Variants in RBL1 observed in about 807,000 individuals in gnomAD.
RBL1 encodes the protein retinoblastoma-like protein 1.
In RBL1, 82 loss-of-function variants were observed where a neutral mutation model predicts 123.0. The observed-to-expected ratio is 0.67, with a 90% CI of 0.56 to 0.80. The LOEUF (loss-of-function observed/expected upper bound fraction) is 0.80, where lower values mean the gene tolerates loss of function less well. Among genes scored for constraint, RBL1 ranks in the 30% least tolerant of loss-of-function variants. RBL1 has a pLI of 0.00. For missense variants in RBL1, 1,171 were observed against 1,299.6 expected (o/e 0.90, Z 1.52); for synonymous variants, 405 against 441.3 (o/e 0.92, Z 1.03).
rs139703809 is a variant in RBL1 at position 37,049,366 on chromosome 20, C to G, written c.1468-2176G>C. On this transcript the variant is annotated intron_variant, in intron 11 of 21. Coordinates refer to ENST00000373664, the MANE Select transcript of RBL1 (RefSeq NM_002895.5). ...ATCCAGGATAAGGAAGGAATTCCTC[C>G]TGATCGGCAAAGACTAATATTTGCT... 3.5e-4 allele frequency: 251 copies of G among 708,754 alleles called. 4 individuals are homozygous for G. In the East Asian group the frequency reaches 5.3e-3, roughly 15 times the overall value. The allele number at this position is 708,754 out of a possible 1,614,324, so 43.9% of individuals were successfully genotyped here.
chr20:37,027,183 C>CA (rs530944998), intron 16 of RBL1, among the ~76,000 whole-genome samples: 18,253 of 141,326 alleles, frequency 0.13, 1,152 homozygotes, highest in African/African-American at 0.16. Flanking sequence ...CCATTTCTAC[C>CA]AAAAAAAAAA....
chr20:37,063,660 C>T (rs1027730343), intron 7 of RBL1, among the ~76,000 whole-genome samples: 19 of 151,688 alleles, frequency 1.3e-4, no homozygotes, highest in Non-Finnish European at 1.9e-4. Flanking sequence ...TATAGGTGCA[C>T]GCCATCACAC....
In RBL1 at chr20:37,020,649, T is replaced by TA; in HGVS notation, c.2631+9_2631+10insT. The TA allele has an allele frequency of 6.5e-7, 1 of 1,541,932 alleles. No homozygotes were observed. Among genetic ancestry groups the TA allele is most frequent in the Non-Finnish European group, 8.8e-7 (1 of 1,134,804 alleles). ...TATTTTTGGACAGTAGGAAAAATAA[T>TA]GTAACTCACGTGACTATTAGCTTGG... On this transcript the variant is annotated intron_variant, in intron 18 of 21. Transcript: ENST00000373664.
intron 15 of RBL1, among the ~76,000 whole-genome samples, chr20:37,033,185 A>ATTT (rs1157688842): frequency 0.02 from 2,483 of 123,272 alleles, 35 homozygotes; most frequent in Middle Eastern, 0.036. Flanking sequence ...TGCCTGGTAA[A>ATTT]TTTTTTTTTT....
intron 11 of RBL1, among the ~76,000 whole-genome samples, chr20:37,048,970 G>C (rs1320444303): frequency 6.6e-6 from 1 of 150,940 alleles, no homozygotes; most frequent in Non-Finnish European, 1.5e-5. Flanking sequence ...GGGAGGCCGA[G>C]GGGGGTGGAT....
chr20:37,057,004 T>TCTACCTACCTACCTACCTAC (rs58869678), intron 9 of RBL1, among the ~76,000 whole-genome samples: 50 of 147,620 alleles, frequency 3.4e-4, no homozygotes, highest in African/African-American at 7.2e-4. Flanking sequence ...TATCTATCTA[T>TCTACCTACCTACCTACCTAC]CTACCTACCT....
Position 37,040,237 on chromosome 20 carries a change from C to T in RBL1, c.1819G>A (p.Gly607Arg), listed in dbSNP as rs1353316846. ...GACATTGGCATCAGGGGAAGATGTC[C>T]CTGCACATTTCCTCCATTTCCTGTT... ...FETGNGGNVQ[G>R]HLPLMPMSPL... Residue 607 changes from glycine (G) to arginine (R), a missense_variant, in exon 14 of 22, where the codon GGA becomes AGA. Physicochemically the swap from Gly to Arg is moderately radical, Grantham distance 125 (BLOSUM62 -2). Coordinates refer to ENST00000373664, the MANE Select transcript of RBL1 (RefSeq NM_002895.5). 3 of 1,614,064 alleles carry T rather than the reference C, an allele frequency of 1.9e-6. No individual in the cohort carries two copies. In the Admixed American group the frequency reaches 5.0e-5, roughly 27 times the overall value.
intron 18 of RBL1, 30 bp from the exon 19 acceptor site, chr20:37,018,399 C>A: frequency 6.3e-7 from 1 of 1,582,258 alleles, no homozygotes; most frequent in Non-Finnish European, 8.6e-7. Flanking sequence ...AAAAGGACAG[C>A]TCAGTCACAG....
intron 2 of RBL1, among the ~76,000 whole-genome samples, chr20:37,075,375 C>T (rs576761675): frequency 6.6e-6 from 1 of 152,082 alleles, no homozygotes; most frequent in African/African-American, 2.4e-5. Context: ...TCTCAATAGG[C>T]TATTAAAAAA....
intron 19 of RBL1, among the ~76,000 whole-genome samples, chr20:37,015,148 A>G (rs1406981147): frequency 6.6e-6 from 1 of 151,932 alleles, no homozygotes; most frequent in Non-Finnish European, 1.5e-5. Flanking sequence ...GAAGTGGCAA[A>G]CTCTCAGTCA....
intron 18 of RBL1, among the ~76,000 whole-genome samples, chr20:37,020,394 A>T (rs1482139865): frequency 6.6e-6 from 1 of 152,060 alleles, no homozygotes; most frequent in Non-Finnish European, 1.5e-5. Flanking sequence ...CAGCCATTAT[A>T]CATATCTTTC....
intron 6 of RBL1, 137 bp from the exon 7 acceptor site, chr20:37,065,610 G>T: frequency 1.8e-6 from 1 of 564,052 alleles, no homozygotes; most frequent in East Asian, 3.1e-5. Flanking sequence ...TTTCAGACTA[G>T]GATAAACTAT....
At chr20:37,000,444 C>T (rs1478523473) in intron 21 of RBL1, among the ~76,000 whole-genome samples, 2 of 143,084 alleles carry the variant, frequency 1.4e-5, no homozygotes, top group Non-Finnish European at 3.1e-5. Context: ...GCCCAGCCAG[C>T]TGCCCGTCCG....
chr20:37,060,793 C>CA lies in RBL1; in HGVS notation c.1250+309dup, dbSNP rs1476887299. 9.3e-4 allele frequency among the ~76,000 whole-genome samples: 137 copies of CA among 147,628 alleles called. 1 individual carries two copies. The highest frequency in any genetic ancestry group is 3.2e-3 in the African/African-American group (130 of 40,090). On this transcript the variant is annotated intron_variant, in intron 9 of 21. Transcript: ENST00000373664. ...GCGAGACCCTGTCTCAAAAAAAAAA[C>CA]AAAAAAAAAGGGAGAGATAAGGTCT...
intron 2 of RBL1, among the ~76,000 whole-genome samples, chr20:37,072,037 T>C (rs2065289163): frequency 1.3e-5 from 2 of 152,166 alleles, no homozygotes; most frequent in Admixed American, 1.3e-4. Context: ...GCATTCAAAC[T>C]CTGGACATGC....
chr20:37,031,505 A>G (rs1488928352), intron 16 of RBL1, among the ~76,000 whole-genome samples: 2 of 152,240 alleles, frequency 1.3e-5, no homozygotes, highest in African/African-American at 4.8e-5. Context: ...ATGTCTCTTT[A>G]TACCCATTGG....
Position 37,010,758 on chromosome 20 carries a change from CTATGTGTGTGTGTGTG to C in RBL1, c.2723-3215_2723-3200del, listed in dbSNP as rs796679542. On this transcript the variant is annotated intron_variant, in intron 19 of 21. Transcript: ENST00000373664. ...TCAAACATCATTATATGGCACATGA[CTATGTGTGTGTGTGTG>C]TGTGTGTGTGTGTGTCCACACATAC... 5.7e-3 allele frequency among the ~76,000 whole-genome samples: 822 copies of C among 143,546 alleles called. 8 individuals are homozygous for C. Among genetic ancestry groups the C allele is most frequent in the African/African-American group, 0.022 (779 of 35,162 alleles). 94.2% of individuals were successfully genotyped at this position (143,546 alleles called of 152,430 possible).
chr20:37,048,298 A>C (rs2146272941), intron 11 of RBL1, among the ~76,000 whole-genome samples: 1 of 152,148 alleles, frequency 6.6e-6, no homozygotes, highest in African/African-American at 2.4e-5. Context: ...CACAACCCCC[A>C]CTCTATGGGA....
intron 16 of RBL1, among the ~76,000 whole-genome samples, chr20:37,028,401 A>AGGT (rs2064457928): frequency 6.6e-6 from 1 of 151,964 alleles, no homozygotes; most frequent in Non-Finnish European, 1.5e-5. Flanking sequence ...GTGGTGACTC[A>AGGT]CACAGTAATC....
Sources: allele counts gnomAD v4.1 joint callset (sites outside exome capture counted in the v4.1 genomes callset), GRCh38; gene constraint gnomAD v4.1.1; transcripts MANE v1.5; gene names NCBI Gene and HGNC (gene_info 2026-07-23, HGNC 2026-07-21).